CLIP4: variants seen among roughly 807,000 people sequenced by gnomAD.
CLIP4 encodes the protein CAP-Gly domain containing linker protein family member 4, also known as CAP-Gly domain-containing linker protein 4.
A neutral mutation model predicts 73.1 loss-of-function variants in CLIP4; 47 were observed. The ratio of observed to expected loss-of-function variants is 0.64; its 90% confidence interval spans 0.51 to 0.82. The LOEUF is 0.82. CLIP4 is among the 40% of genes least tolerant of loss of function. CLIP4 has a pLI of 0.00. For missense variants in CLIP4, 874 were observed against 852.9 expected, an observed-to-expected ratio of 1.02 and a Z score of -0.31; for synonymous variants, 306 against 295.4, an observed-to-expected ratio of 1.04 and a Z score of -0.37.
Position 29,157,352 on chromosome 2 carries a change from CTA to C in CLIP4, c.1399+7_1399+8del. 3 of 1,613,964 alleles carry C rather than the reference CTA, an allele frequency of 1.9e-6. No homozygotes were observed. Among genetic ancestry groups the C allele is most frequent in the Non-Finnish European group, 2.5e-6 (3 of 1,179,888 alleles). On this transcript the variant is annotated splice_donor_region_variant and intron_variant, in intron 11 of 15. Transcript: ENST00000320081. ...TTTCATCCAGAGCCAGTGCTGGTAT[CTA>C]TGGCTTTTTCAACCAGGCTTTCTTG... is the stretch of plus-strand genomic sequence containing the variant.
intron 1 of CLIP4, among the ~76,000 whole-genome samples, chr2:29,120,188 C>T (rs1572878808): frequency 6.6e-6 from 1 of 152,186 alleles, no homozygotes; most frequent in South Asian, 2.1e-4. Flanking sequence ...AATGTGAATA[C>T]CTTAAAATAG....
chr2:29,110,887 C>T (rs1221395337), upstream of CLIP4, among the ~76,000 whole-genome samples: 1 of 152,120 alleles, frequency 6.6e-6, no homozygotes, highest in Non-Finnish European at 1.5e-5. Flanking sequence ...CCAGGTTTTA[C>T]CATGTTGGCC....
chr2:29,134,999 A>T (rs754198194), intron 5 of CLIP4, among the ~76,000 whole-genome samples: 1 of 152,118 alleles, frequency 6.6e-6, no homozygotes, highest in African/African-American at 2.4e-5. Context: ...GCTACTAAAT[A>T]CTTTAGACTT....
At chr2:29,133,285 T>A (rs571410191) in intron 4 of CLIP4, among the ~76,000 whole-genome samples, 1 of 152,288 alleles carries the variant, frequency 6.6e-6, no homozygotes, top group African/African-American at 2.4e-5. Flanking sequence ...ACACACAGAT[T>A]GCAATTTGGG....
intron 15 of CLIP4, chr2:29,175,352 TGAA>T (rs1668264658): frequency 6.6e-6 from 1 of 152,298 alleles, no homozygotes; most frequent in South Asian, 2.1e-4. Context: ...TTGAGAATTT[TGAA>T]GGTCTTCTTG....
At chr2:29,134,395 A>G (rs1665200341) in intron 5 of CLIP4, among the ~76,000 whole-genome samples, 1 of 152,152 alleles carries the variant, frequency 6.6e-6, no homozygotes, top group Non-Finnish European at 1.5e-5. Flanking sequence ...GAGCAAGCAA[A>G]TAGTATTAAC....
chr2:29,122,672 C>T (rs556635345), intron 2 of CLIP4, among the ~76,000 whole-genome samples: 1 of 151,706 alleles, frequency 6.6e-6, no homozygotes, highest in Non-Finnish European at 1.5e-5. Context: ...ACTAAAAATA[C>T]AAAAATTAGC....
chr2:29,121,593 CAT>C, intron 2 of CLIP4, 72 bp downstream of exon 2: 4 of 1,520,060 alleles, frequency 2.6e-6, no homozygotes, highest in Non-Finnish European at 3.6e-6. Flanking sequence ...TTTTTGCACT[CAT>C]AGTCTTTCTT....
Position 29,135,660 on chromosome 2 carries a change from A to G in CLIP4, c.642A>G (p.Ala214=), listed in dbSNP as rs768006241. 2.5e-6 allele frequency: 4 copies of G among 1,596,718 alleles called. No homozygotes were observed. The highest frequency in any genetic ancestry group is 2.3e-5 in the South Asian group (2 of 88,530). Residue 214 remains alanine, a synonymous_variant, in exon 6 of 16, where the codon GCA becomes GCG. Coordinates refer to ENST00000320081, the MANE Select transcript of CLIP4 (RefSeq NM_024692.6). ...TCTTGGAGCAGGGAGCAAATCCTGC[A>G]TTTAGGGTAAGAGGTTAAATTAAAA... The part of the protein sequence containing the change: ...KCLLEQGANP[A]FRNDKGQIPA...
chr2:29,178,273 G>A (rs1438540741), intron 15 of CLIP4, among the ~76,000 whole-genome samples: 1 of 151,806 alleles, frequency 6.6e-6, no homozygotes, highest in Non-Finnish European at 1.5e-5. Context: ...TCTGCCTCCT[G>A]GGTTTAAGTG....
intron 8 of CLIP4, among the ~76,000 whole-genome samples, chr2:29,145,814 TG>T (rs1666124124): frequency 6.6e-6 from 1 of 152,214 alleles, no homozygotes; most frequent in African/African-American, 2.4e-5. Flanking sequence ...CCCGAGTAGC[TG>T]GGATTACAGG....
intron 2 of CLIP4, among the ~76,000 whole-genome samples, chr2:29,123,825 C>T (rs1664422241): frequency 6.6e-6 from 1 of 152,174 alleles, no homozygotes; most frequent in African/African-American, 2.4e-5. Context: ...AACCAGTCCA[C>T]AGAAACCAGA....
chr2:29,177,877 A>G (rs567557585), intron 15 of CLIP4, among the ~76,000 whole-genome samples: 34 of 152,224 alleles, frequency 2.2e-4, no homozygotes, highest in Non-Finnish European at 4.0e-4. Context: ...GCTCTCAAAC[A>G]TACCATAATT....
At chr2:29,155,364 T>A (rs1478723983) in intron 9 of CLIP4, among the ~76,000 whole-genome samples, 1 of 151,110 alleles carries the variant, frequency 6.6e-6, no homozygotes, top group Admixed American at 6.6e-5. Context: ...AGCCAAGAAA[T>A]AGAAGATATG....
intron 14 of CLIP4, among the ~76,000 whole-genome samples, chr2:29,169,256 G>C (rs1228450287): frequency 6.6e-6 from 1 of 151,648 alleles, no homozygotes; most frequent in Non-Finnish European, 1.5e-5. Flanking sequence ...GGCAGGTTTG[G>C]TTTATTCTAA....
chr2:29,138,297 C>T (rs1572926547), intron 6 of CLIP4, among the ~76,000 whole-genome samples: 2 of 152,150 alleles, frequency 1.3e-5, no homozygotes, highest in South Asian at 2.1e-4. Flanking sequence ...TCAGCTTTGT[C>T]AAAGATCAGT....
chr2:29,142,629 A>C (rs1665853739), intron 6 of CLIP4, among the ~76,000 whole-genome samples: 1 of 152,232 alleles, frequency 6.6e-6, no homozygotes, highest in African/African-American at 2.4e-5. Flanking sequence ...TCTACTAAGG[A>C]CCAACCTGAC....
In CLIP4 at chr2:29,121,369, T is replaced by A. The variant is rs780366174; in HGVS notation, c.-15-5T>A. On this transcript the variant is annotated splice_polypyrimidine_tract_variant and splice_region_variant and intron_variant, in intron 1 of 15. Coordinates refer to ENST00000320081, the MANE Select transcript of CLIP4 (RefSeq NM_024692.6). The stretch of plus-strand genomic sequence containing the variant: ...GAAACACTTTTTTTTTCTTTCTTAT[T>A]ATAGGTGGCTTTCTAGAAGATGACC... The A allele has an allele frequency of 6.3e-7, 1 of 1,592,052 alleles. No homozygotes were observed. Among genetic ancestry groups the A allele is most frequent in the Non-Finnish European group, 8.5e-7 (1 of 1,173,686 alleles).
At chr2:29,147,021 G>C (rs1342457693) in intron 8 of CLIP4, among the ~76,000 whole-genome samples, 1 of 152,088 alleles carries the variant, frequency 6.6e-6, no homozygotes, top group Non-Finnish European at 1.5e-5. Flanking sequence ...AATGCTGATT[G>C]TATAAGATTT....
Sources: allele counts gnomAD v4.1 joint callset (sites outside exome capture counted in the v4.1 genomes callset), GRCh38; gene constraint gnomAD v4.1.1; transcripts MANE v1.5; gene names NCBI Gene and HGNC (gene_info 2026-07-23, HGNC 2026-07-21).